Variants in FAAP20 observed in about 807,000 individuals in gnomAD.
FAAP20 encodes Fanconi anemia core complex-associated protein 20.
A neutral mutation model predicts 16.2 loss-of-function variants in FAAP20; 12 were observed. The ratio of observed to expected loss-of-function variants is 0.74; its 90% CI spans 0.48 to 1.20. FAAP20 has a LOEUF of 1.20. Among genes scored for constraint, FAAP20 ranks in the 50% most tolerant of loss-of-function variants. FAAP20 has a pLI of 0.00. For synonymous variants in FAAP20, 141 were observed against 110.7 expected, an observed-to-expected ratio of 1.27 and a Z score of -1.72; for missense variants, 288 against 245.8, an observed-to-expected ratio of 1.17 and a Z score of -1.15.
At chr1:2,189,863 C>T in intron 3 of FAAP20, 82 bp from the exon 4 acceptor site, 2 of 1,091,794 alleles carry the variant, frequency 1.8e-6, no homozygotes, top group Non-Finnish European at 2.8e-6. Flanking sequence ...TCCGGGCCCT[C>T]TCTGCTCCTG....
intron 3 of FAAP20, chr1:2,189,993 C>T (rs1688000361): frequency 3.2e-6 from 2 of 622,196 alleles, no homozygotes; most frequent in Admixed American, 2.4e-5. Flanking sequence ...GAGGAGGCCA[C>T]GCCAGGCCCC....
downstream of FAAP20, among the ~76,000 whole-genome samples, chr1:2,207,959 TGCGC>T (rs769649503): frequency 6.4e-4 from 96 of 149,732 alleles, no homozygotes; most frequent in Non-Finnish European, 1.3e-3. Flanking sequence ...TGTGTGTCCG[TGCGC>T]GCGCGCATGC....
rs1469928482 is a variant in FAAP20 at position 2,189,726 on chromosome 1, C to A, written c.526G>T (p.Glu176Ter). The change falls in exon 4 of 4, where the codon GAA becomes TAA. Residue 176 changes from glutamate to a stop codon, truncating the protein, a stop_gained. Coordinates refer to ENST00000378546, the MANE Select transcript of FAAP20 (RefSeq NM_182533.4). LOFTEE classifies it high-confidence loss of function. ...GATGGCGCTCACCACGTCACGTCTT[C>A]TGTGCTTTCGGCCAAGCACTGGGCC... The part of the protein sequence containing the change: ...HLAQCLAEST[E>*]DVTW 10 of 1,610,544 alleles carry A rather than the reference C, an allele frequency of 6.2e-6. No homozygotes were observed. Among genetic ancestry groups the A allele is most frequent in the African/African-American group, 2.7e-5 (2 of 74,882 alleles).
chr1:2,200,060 C>T (rs1688985845), upstream of FAAP20: 1 of 148,018 alleles, frequency 6.8e-6, no homozygotes, highest in South Asian at 2.1e-4. Context: ...GCCTGGGCAA[C>T]AGAGCAAGAC....
chr1:2,194,068 A>G lies in FAAP20; in HGVS notation c.128T>C (p.Leu43Pro). 6.2e-7 allele frequency: 1 copy of G among 1,612,606 alleles called. No homozygotes were observed. Among genetic ancestry groups the G allele is most frequent in the Non-Finnish European group, 8.5e-7 (1 of 1,179,960 alleles). ...GDERERLWAE[L>P]LRTVSPELIL... is the part of the protein sequence containing the mutation. ...CAGCTCCGGGCTCACCGTGCGCAGT[A>G]GCTCGGCCCAGAGCCGCTCCCGCTC... The change falls in exon 2 of 4, where the codon CTA (leucine) becomes CCA (proline). Residue 43 changes from leucine (L) to proline (P), a missense_variant. Transcript: ENST00000378546.
Position 2,193,647 on chromosome 1 carries a change from G to A in FAAP20, c.462C>T (p.Phe154=), listed in dbSNP as rs114983157. Residue 154 remains phenylalanine (F), a synonymous_variant, in exon 3 of 4, where the codon TTC becomes TTT. Coordinates refer to ENST00000378546, the MANE Select transcript of FAAP20 (RefSeq NM_182533.4). ...LRSCPMCQKE[F]APRLTQLDVD... ...AGGGGTGGCCTACTCACCTGGGGGC[G>A]AACTCCTTCTGGCACATGGGGCAGC... The A allele has an allele frequency of 8.1e-6, 13 of 1,596,390 alleles. No individual in the cohort carries two copies. Among genetic ancestry groups the A allele is most frequent in the East Asian group, 2.2e-5 (1 of 44,682 alleles).
upstream of FAAP20, chr1:2,198,326 C>G: frequency 2.0e-6 from 1 of 492,942 alleles, no homozygotes. Context: ...CCCGCACCTG[C>G]AGACCGGTGG....
chr1:2,203,318 C>T (rs1689118923), upstream of FAAP20: 4 of 728,088 alleles, frequency 5.5e-6, no homozygotes, highest in South Asian at 2.5e-4. Context: ...CCTTCTTCCC[C>T]CCAGGCTTCT....
chr1:2,199,437 C>T, upstream of FAAP20: 4 of 1,005,552 alleles, frequency 4.0e-6, no homozygotes, highest in Non-Finnish European at 4.8e-6. The surrounding 1 kb of genome is among the most constrained non-coding windows in gnomAD (Gnocchi z 4.5). Flanking sequence ...TCTCTCCACC[C>T]CACTGCCCTG....
chr1:2,185,218 A>G (rs1028618004), downstream of FAAP20: 12 of 707,150 alleles, frequency 1.7e-5, no homozygotes, highest in Non-Finnish European at 3.1e-5. Context: ...TTCGTGCTGG[A>G]GGAACTTGCT....
chr1:2,208,013 C>A (rs977869049), downstream of FAAP20, among the ~76,000 whole-genome samples: 1 of 152,046 alleles, frequency 6.6e-6, no homozygotes, highest in Non-Finnish European at 1.5e-5. Context: ...CGTGCCTGCA[C>A]GTGTGTGGAC....
chr1:2,201,182 G>A, upstream of FAAP20: 1 of 1,254,514 alleles, frequency 8.0e-7, no homozygotes. Flanking sequence ...GACCTTCACA[G>A]AGGAGCCGTG....
At chr1:2,186,497 C>A (rs974056994), downstream of FAAP20, among the ~76,000 whole-genome samples, 3 of 56,548 alleles carry the variant, frequency 5.3e-5, no homozygotes, top group African/African-American at 1.4e-4. Flanking sequence ...TGGACACCCG[C>A]CCCCCCCCGG....
chr1:2,203,317 C>G, upstream of FAAP20: 1 of 718,352 alleles, frequency 1.4e-6, no homozygotes, highest in East Asian at 1.3e-4. Context: ...GCCTTCTTCC[C>G]CCCAGGCTTC....
At chr1:2,210,231 C>T (rs144919963), downstream of FAAP20, among the ~76,000 whole-genome samples, 2 of 152,194 alleles carry the variant, frequency 1.3e-5, no homozygotes, top group Admixed American at 6.5e-5. Flanking sequence ...TGAAATCAAG[C>T]GGGAGGGTAG....
At chr1:2,193,093 C>G in intron 3 of FAAP20, 1 of 1,063,800 alleles carries the variant, frequency 9.4e-7, no homozygotes, top group Non-Finnish European at 1.3e-6. Flanking sequence ...CCACCCCAGC[C>G]CCAGGACCTG....
At chr1:2,201,011 A>G (rs1689027943), upstream of FAAP20, 4 of 1,264,298 alleles carry the variant, frequency 3.2e-6, no homozygotes, top group South Asian at 3.8e-5. Flanking sequence ...CTGAGATGAG[A>G]TGCTGCCTGG....
chr1:2,189,605 G>A lies in FAAP20; in HGVS notation c.*104C>T. On this transcript the variant is annotated 3_prime_UTR_variant, in exon 4 of 4. Coordinates refer to ENST00000378546, the MANE Select transcript of FAAP20 (RefSeq NM_182533.4). ...GCCCTGCTTTAATGCGCATGCGGGGGAGCCGAGAGGCGGGGCTGCTGGCGG... is the reference window on the plus strand; with the variant it reads ...GCCCTGCTTTAATGCGCATGCGGGGAAGCCGAGAGGCGGGGCTGCTGGCGG... The A allele has an allele frequency of 6.0e-6, 5 of 836,368 alleles. No homozygotes were observed. In the East Asian group the frequency reaches 1.2e-4, roughly 19 times the overall value. 51.8% of individuals were successfully genotyped at this position (836,368 alleles called of 1,614,324 possible).
chr1:2,198,052 G>C (rs774519283), upstream of FAAP20: 17 of 1,291,512 alleles, frequency 1.3e-5, no homozygotes, highest in Non-Finnish European at 1.7e-5. Flanking sequence ...CAGCGGTGCT[G>C]GTGATGGTGA....
Sources: allele counts gnomAD v4.1 joint callset (sites outside exome capture counted in the v4.1 genomes callset), GRCh38; gene constraint gnomAD v4.1.1; non-coding constraint Gnocchi (gnomAD v3.1); transcripts MANE v1.5; gene names NCBI Gene and HGNC (gene_info 2026-07-23, HGNC 2026-07-21).